Variants in UNC5D observed in about 807,000 individuals in gnomAD.
UNC5D encodes unc-5 netrin receptor D, also known as netrin receptor UNC5D.
UNC5D carries 39 observed loss-of-function variants against 105.4 expected under a neutral mutation model. The observed-to-expected ratio is 0.37, with a 90% CI of 0.29 to 0.48. UNC5D has a LOEUF of 0.48. UNC5D is among the 20% of genes least tolerant of loss of function. The pLI is 0.98. For missense variants in UNC5D, 991 were observed against 1,202.4 expected, an observed-to-expected ratio of 0.82 and a Z score of 2.60; for synonymous variants, 452 against 450.4, an observed-to-expected ratio of 1.00 and a Z score of -0.04.
At chr8:35,604,950 T>C (rs1403448159) in intron 4 of UNC5D, among the ~76,000 whole-genome samples, 6 of 152,166 alleles carry the variant, frequency 3.9e-5, no homozygotes, top group Non-Finnish European at 7.3e-5. Context: ...TTTGTCTAAT[T>C]TTTTTTCAAA....
chr8:35,755,478 A>G (rs866946599), intron 13 of UNC5D, among the ~76,000 whole-genome samples: 24 of 150,496 alleles, frequency 1.6e-4, no homozygotes, highest in African/African-American at 4.4e-4. Flanking sequence ...ATTTGTGTGT[A>G]TGTGTGTGTG....
intron 3 of UNC5D, among the ~76,000 whole-genome samples, chr8:35,585,793 T>G (rs1818757443): frequency 6.6e-6 from 1 of 151,578 alleles, no homozygotes; most frequent in South Asian, 2.1e-4. Context: ...GGAATATATA[T>G]ATTATATTCA....
rs192332438 is a variant in UNC5D at position 35,515,482 on chromosome 8, C to T, written c.104-33810C>T. Among the ~76,000 whole-genome samples the T allele has an allele frequency of 5.5e-3, 830 of 152,178 alleles. 12 individuals are homozygous for T. Among genetic ancestry groups the T allele is most frequent in the African/African-American group, 0.019 (801 of 41,530 alleles). ...GGCGAATCACTTGAGGTCAGGAGTT[C>T]GAGACCAGCCTGGCCAACATGGTGA... is the stretch of plus-strand genomic sequence containing the variant. On this transcript the variant is annotated intron_variant, in intron 1 of 16. Coordinates refer to ENST00000404895, the MANE Select transcript of UNC5D (RefSeq NM_080872.4).
At chr8:35,506,916 C>A (rs77872508) in intron 1 of UNC5D, among the ~76,000 whole-genome samples, 363 of 152,178 alleles carry the variant, frequency 2.4e-3, no homozygotes, top group Middle Eastern at 6.8e-3. Flanking sequence ...CAAATGATAC[C>A]GGCCATGTTG....
chr8:35,602,053 C>A (rs202140897), intron 4 of UNC5D, among the ~76,000 whole-genome samples: 2 of 152,066 alleles, frequency 1.3e-5, no homozygotes, highest in East Asian at 1.9e-4. Context: ...CTATTGAGAT[C>A]ATCATGTGGT....
intron 16 of UNC5D, among the ~76,000 whole-genome samples, chr8:35,783,397 C>T (rs1193776630): frequency 1.3e-5 from 2 of 152,134 alleles, no homozygotes; most frequent in Admixed American, 6.5e-5. Context: ...CAAGCAGTCA[C>T]GGGAAGAGCT....
intron 1 of UNC5D, among the ~76,000 whole-genome samples, chr8:35,498,115 G>A (rs1176080273): frequency 6.9e-6 from 1 of 145,010 alleles, no homozygotes; most frequent in African/African-American, 2.6e-5. Context: ...AAAAAAAGCG[G>A]GGGAGAGTCA....
intron 1 of UNC5D, chr8:35,525,125 C>A (rs370427119): frequency 6.3e-7 from 1 of 1,598,444 alleles, no homozygotes. Context: ...CTGAAGCCAC[C>A]ACCAGCGCCT....
At chr8:35,575,370 CACCA>C (rs1818019353) in intron 3 of UNC5D, among the ~76,000 whole-genome samples, 1 of 152,130 alleles carries the variant, frequency 6.6e-6, no homozygotes, top group Admixed American at 6.5e-5. Flanking sequence ...GTCATGATTG[CACCA>C]TGGATCTAAC....
intron 1 of UNC5D, among the ~76,000 whole-genome samples, chr8:35,332,351 A>C (rs1231132880): frequency 6.6e-6 from 1 of 152,200 alleles, no homozygotes; most frequent in African/African-American, 2.4e-5. Flanking sequence ...TAATATTCTC[A>C]AATAGAAATA....
intron 1 of UNC5D, among the ~76,000 whole-genome samples, chr8:35,420,763 G>A (rs1399373420): frequency 1.3e-5 from 2 of 151,066 alleles, no homozygotes; most frequent in Non-Finnish European, 2.9e-5. Flanking sequence ...GTTTCCTAGA[G>A]AGACTGCCAT....
chr8:35,586,383 G>GA (rs566807407), intron 3 of UNC5D, among the ~76,000 whole-genome samples: 28 of 152,244 alleles, frequency 1.8e-4, no homozygotes, highest in Admixed American at 5.9e-4. Flanking sequence ...TCACAATGAG[G>GA]AAAAAATTCA....
At chr8:35,721,339 C>G in intron 8 of UNC5D, 1 of 689,686 alleles carries the variant, frequency 1.4e-6, no homozygotes. Flanking sequence ...ACATCCAACG[C>G]ACCTCTAGAA....
At chr8:35,317,234 A>G (rs1202172314) in intron 1 of UNC5D, among the ~76,000 whole-genome samples, 1 of 152,112 alleles carries the variant, frequency 6.6e-6, no homozygotes, top group Non-Finnish European at 1.5e-5. Flanking sequence ...TTTTTTCCAA[A>G]TATTATATGT....
Position 35,731,097 on chromosome 8 carries a change from G to A in UNC5D, c.1766+1G>A. 6.2e-7 allele frequency: 1 copy of A among 1,613,638 alleles called. No homozygotes were observed. The highest frequency in any genetic ancestry group is 8.5e-7 in the Non-Finnish European group (1 of 1,179,684). ...TGTCCATCAACCAAGGTGAACCCAG[G>A]TGAGAGACAGAGAATAGCATATTAA... is the stretch of plus-strand genomic sequence containing the variant. On this transcript the variant is annotated splice_donor_variant, in intron 11 of 16. Coordinates refer to ENST00000404895, the MANE Select transcript of UNC5D (RefSeq NM_080872.4). LOFTEE classifies it high-confidence loss of function.
At chr8:35,383,326 T>G (rs1803158328) in intron 1 of UNC5D, among the ~76,000 whole-genome samples, 1 of 152,104 alleles carries the variant, frequency 6.6e-6, no homozygotes, top group African/African-American at 2.4e-5. Context: ...AAAAAAATCC[T>G]CATCAAGAGG....
At chr8:35,256,638 A>G (rs1804095496) in intron 1 of UNC5D, 1 of 152,136 alleles carries the variant, frequency 6.6e-6, no homozygotes, top group Admixed American at 6.5e-5. Context: ...TCAGGTATAT[A>G]CTTTCCTAAG....
chr8:35,352,579 A>G (rs1812313508), intron 1 of UNC5D, among the ~76,000 whole-genome samples: 1 of 152,098 alleles, frequency 6.6e-6, no homozygotes, highest in African/African-American at 2.4e-5. Flanking sequence ...TTTGTTCTGT[A>G]AAGATTTTCT....
rs114618156 is a variant in UNC5D, at chr8:35,589,528, G to A, written c.467-6026G>A. Among the ~76,000 whole-genome samples, 798 of 151,312 alleles carry A rather than the reference G, an allele frequency of 5.3e-3. 4 individuals are homozygous for A. The highest frequency in any genetic ancestry group is 6.4e-3 in the African/African-American group (264 of 41,198). Reference sequence around the variant, plus strand: ...ACCATGCAGTTTACCTATTTAAAGTGTACAATTTGGTAGTTTTTAGTATAC... The same window carrying A: ...ACCATGCAGTTTACCTATTTAAAGTATACAATTTGGTAGTTTTTAGTATAC... On this transcript the variant is annotated intron_variant, in intron 3 of 16. Transcript: ENST00000404895.
Sources: allele counts gnomAD v4.1 joint callset (sites outside exome capture counted in the v4.1 genomes callset), GRCh38; gene constraint gnomAD v4.1.1; transcripts MANE v1.5; gene names NCBI Gene and HGNC (gene_info 2026-07-23, HGNC 2026-07-21).